ACADSB: variants seen among roughly 807,000 people sequenced by gnomAD.
ACADSB encodes the protein short/branched chain specific acyl-CoA dehydrogenase, mitochondrial.
Under a neutral mutation model 54.1 loss-of-function variants are expected in ACADSB, and 40 were observed. That is an observed-to-expected ratio of 0.74 (90% CI 0.57 to 0.96). The LOEUF is 0.96. ACADSB is among the 40% of genes least tolerant of loss of function. ACADSB has a pLI of 0.00. For synonymous variants in ACADSB, 182 were observed against 182.8 expected (o/e 1.00, Z 0.03); for missense variants, 530 against 510.4 (o/e 1.04, Z -0.37).
intron 1 of ACADSB, among the ~76,000 whole-genome samples, chr10:123,024,177 T>C (rs530415524): frequency 1.3e-5 from 2 of 152,362 alleles, no homozygotes; most frequent in South Asian, 4.1e-4. Context: ...TGAATGGTAA[T>C]GATAGGAGCT....
chr10:123,025,478 TAAATAAATA>T (rs1850239436), intron 1 of ACADSB, among the ~76,000 whole-genome samples: 1 of 151,186 alleles, frequency 6.6e-6, no homozygotes, highest in Non-Finnish European at 1.5e-5. Flanking sequence ...AATAAATAAA[TAAATAAATA>T]AATAAAATAA....
At chr10:123,034,171 G>A (rs1271915541) in intron 1 of ACADSB, among the ~76,000 whole-genome samples, 185 bp from the exon 2 acceptor site, 1 of 146,946 alleles carries the variant, frequency 6.8e-6, no homozygotes, top group Non-Finnish European at 1.5e-5. Context: ...CTCATAGCTG[G>A]ATAAAGAAGG....
At chr10:123,013,989 C>T (rs1850079652) in intron 1 of ACADSB, among the ~76,000 whole-genome samples, 1 of 152,210 alleles carries the variant, frequency 6.6e-6, no homozygotes, top group South Asian at 2.1e-4. Context: ...CAAGCGTGGC[C>T]AGAATGGGCG....
chr10:123,055,377 C>G lies in ACADSB; in HGVS notation c.*1612C>G, dbSNP rs1850692694. Reference sequence around the variant, plus strand: ...CGAGAATAGCACAGGAAAGACTGGCCCCCATGATTCAATTACCTCCCCCGG... The same window carrying G: ...CGAGAATAGCACAGGAAAGACTGGCGCCCATGATTCAATTACCTCCCCCGG... On this transcript the variant is annotated 3_prime_UTR_variant, in exon 11 of 11. Coordinates refer to ENST00000358776, the MANE Select transcript of ACADSB (RefSeq NM_001609.4). 1.3e-5 allele frequency: 2 copies of G among 153,466 alleles called. No individual in the cohort carries two copies. The highest frequency in any genetic ancestry group is 4.8e-5 in the African/African-American group (2 of 41,402). 9.5% of individuals were successfully genotyped at this position (153,466 alleles called of 1,614,324 possible). A position where few individuals can be genotyped will look rare whatever the true frequency, so the allele number is the denominator to read the frequency against.
rs1850471524 is a variant in ACADSB, at chr10:123,041,397, ATT to A, written c.681+20_681+21del. 6.2e-7 allele frequency: 1 copy of A among 1,613,486 alleles called. No individual in the cohort carries two copies. Among genetic ancestry groups the A allele is most frequent in the South Asian group, 1.1e-5 (1 of 91,080 alleles). On this transcript the variant is annotated intron_variant, in intron 5 of 10. Transcript: ENST00000358776. ...CTACCATTGTAAGTTTGAAAACGAA[ATT>A]TCTTTCTTTTTCCAAACCCCTTCTT...
chr10:123,012,819 A>G (rs953530430), intron 1 of ACADSB, among the ~76,000 whole-genome samples: 1 of 152,172 alleles, frequency 6.6e-6, no homozygotes, highest in South Asian at 2.1e-4. Context: ...AAGCTTCCAC[A>G]GTGTGGAAGG....
At chr10:123,047,164 T>C (rs201720953) in intron 7 of ACADSB, 45 bp from the exon 8 acceptor site, 17 of 1,460,562 alleles carry the variant, frequency 1.2e-5, no homozygotes, top group Non-Finnish European at 1.6e-5. Context: ...TAATTAAACT[T>C]ATAACAAAAT....
chr10:123,025,220 G>T (rs987240458), intron 1 of ACADSB, among the ~76,000 whole-genome samples: 5 of 152,210 alleles, frequency 3.3e-5, no homozygotes, highest in Non-Finnish European at 7.3e-5. Flanking sequence ...CTTTGCGGGG[G>T]CCTAGCCACA....
At chr10:123,034,956 C>CTT (rs1026343750) in intron 2 of ACADSB, among the ~76,000 whole-genome samples, 1 of 140,230 alleles carries the variant, frequency 7.1e-6, no homozygotes. Flanking sequence ...TCTTTTTTTT[C>CTT]TTTTTTTTTT....
chr10:123,037,726 C>G (rs761954560), intron 2 of ACADSB, 21 bp from the exon 3 acceptor site: 1 of 1,505,538 alleles, frequency 6.6e-7, no homozygotes. Flanking sequence ...ATAGACTTAT[C>G]AGTAATTCTT....
chr10:123,027,562 G>C (rs1434883764), intron 1 of ACADSB: 1 of 455,148 alleles, frequency 2.2e-6, no homozygotes, highest in South Asian at 1.6e-5. Context: ...CTCCTGCCAT[G>C]GTTCAGAGGC....
intron 1 of ACADSB, among the ~76,000 whole-genome samples, chr10:123,013,438 C>A (rs180938049): frequency 2.2e-4 from 34 of 152,370 alleles, no homozygotes; most frequent in Non-Finnish European, 2.2e-4. Context: ...CAGCTGGCCT[C>A]ACCCAGTGGA....
chr10:123,023,378 C>CTTA (rs1564747487), intron 1 of ACADSB, among the ~76,000 whole-genome samples: 1 of 152,138 alleles, frequency 6.6e-6, no homozygotes, highest in Non-Finnish European at 1.5e-5. Context: ...TTTGCTTAGA[C>CTTA]TTATGTACTT....
At chr10:123,041,451 C>A in intron 5 of ACADSB, 72 bp downstream of exon 5, 2 of 1,518,494 alleles carry the variant, frequency 1.3e-6, no homozygotes, top group Non-Finnish European at 9.1e-7. Context: ...TTTCCTCCTT[C>A]TGTTTCCTTT....
At chr10:123,042,268 A>T (rs1850485562) in intron 5 of ACADSB, among the ~76,000 whole-genome samples, 1 of 151,898 alleles carries the variant, frequency 6.6e-6, no homozygotes, top group Admixed American at 6.6e-5. Context: ...ACCTGGCCCT[A>T]ATCTTTAATT....
In ACADSB at chr10:123,053,948, T is replaced by A; in HGVS notation, c.*183T>A. On this transcript the variant is annotated 3_prime_UTR_variant, in exon 11 of 11. Transcript: ENST00000358776. Reference sequence around the variant, plus strand: ...GTTTTCTCTTTTCAGGCTGTTTAACTTAGGCACAGGAGATCCACTTTTAAA... The same window carrying A: ...GTTTTCTCTTTTCAGGCTGTTTAACATAGGCACAGGAGATCCACTTTTAAA... 1 of 640,608 alleles carries A rather than the reference T, an allele frequency of 1.6e-6. No individual in the cohort carries two copies. The highest frequency in any genetic ancestry group is 2.7e-5 in the East Asian group (1 of 36,744). The allele number at this position is 640,608 out of a possible 1,614,324, so 39.7% of individuals were successfully genotyped here.
At position 123,023,883 on chromosome 10, in the gene ACADSB, T is replaced by C. The variant is rs186720308; in HGVS notation, c.43-10473T>C. 2.4e-3 allele frequency among the ~76,000 whole-genome samples: 373 copies of C among 152,372 alleles called. 2 individuals carry two copies. The highest frequency in any genetic ancestry group is 6.3e-3 in the Admixed American group (97 of 15,308). On this transcript the variant is annotated intron_variant, in intron 1 of 10. Coordinates refer to ENST00000358776, the MANE Select transcript of ACADSB (RefSeq NM_001609.4). ...GTGAAAGAAAATTCTAAGGAGGGCTTAGTACTGGACCTCAGAACCTCTGCC... is the reference window on the plus strand; with the variant it reads ...GTGAAAGAAAATTCTAAGGAGGGCTCAGTACTGGACCTCAGAACCTCTGCC...
Position 123,031,843 on chromosome 10 carries a change from A to G in ACADSB, c.43-2513A>G, listed in dbSNP as rs143645054. Among the ~76,000 whole-genome samples the G allele has an allele frequency of 6.6e-5, 10 of 152,308 alleles. No individual in the cohort carries two copies. In the East Asian group the frequency reaches 7.7e-4, roughly 12 times the overall value. On this transcript the variant is annotated intron_variant, in intron 1 of 10. Transcript: ENST00000358776. ...TGTCTATGAATCTAAAATCACTGCTATGTTTTGAATGGTCCTATACTTTGT... is the reference window on the plus strand; with the variant it reads ...TGTCTATGAATCTAAAATCACTGCTGTGTTTTGAATGGTCCTATACTTTGT...
rs188374364 is a variant in ACADSB at position 123,052,541 on chromosome 10, G to T, written c.1129-520G>T. Among the ~76,000 whole-genome samples the T allele has an allele frequency of 4.1e-4, 62 of 152,236 alleles. No individual in the cohort carries two copies. The highest frequency in any genetic ancestry group is 4.1e-3 in the Admixed American group (62 of 15,302). On this transcript the variant is annotated intron_variant, in intron 9 of 10. Coordinates refer to ENST00000358776, the MANE Select transcript of ACADSB (RefSeq NM_001609.4). The surrounding 1 kb of genome is among the most constrained non-coding windows in gnomAD (Gnocchi z 4.2). ...CCATCTCGTGTCCTTACCCACATCTGCAGAGTCCCTATTGCCATGGAAGGC... is the reference window on the plus strand; with the variant it reads ...CCATCTCGTGTCCTTACCCACATCTTCAGAGTCCCTATTGCCATGGAAGGC...
Sources: allele counts gnomAD v4.1 joint callset (sites outside exome capture counted in the v4.1 genomes callset), GRCh38; gene constraint gnomAD v4.1.1; non-coding constraint Gnocchi (gnomAD v3.1); transcripts MANE v1.5; gene names NCBI Gene and HGNC (gene_info 2026-07-23, HGNC 2026-07-21).